Variants in PAK5 observed in about 807,000 individuals in gnomAD.
PAK5 encodes serine/threonine-protein kinase PAK 5.
In PAK5, 16 loss-of-function variants were observed where a neutral mutation model predicts 65.9. The ratio of observed to expected loss-of-function variants is 0.24; its 90% CI spans 0.16 to 0.37. The LOEUF (loss-of-function observed/expected upper bound fraction) is 0.37. PAK5 is among the 10% of genes least tolerant of loss of function. The pLI is 1.00. For missense variants in PAK5, 785 were observed against 903.9 expected (o/e 0.87, Z 1.69); for synonymous variants, 371 against 354.9 (o/e 1.05, Z -0.51).
chr20:9,595,880 C>A (rs183885245), intron 3 of PAK5, among the ~76,000 whole-genome samples: 1 of 151,134 alleles, frequency 6.6e-6, no homozygotes, highest in Non-Finnish European at 1.5e-5. Context: ...GTAACTGTTT[C>A]AAATGGACTC....
chr20:9,568,511 G>A (rs1008612515), intron 4 of PAK5, among the ~76,000 whole-genome samples: 1 of 152,172 alleles, frequency 6.6e-6, no homozygotes, highest in Non-Finnish European at 1.5e-5. Context: ...TCAATGACCT[G>A]TGCCTCCTGA....
chr20:9,690,258 G>T (rs1286366083), intron 2 of PAK5, among the ~76,000 whole-genome samples: 1 of 152,096 alleles, frequency 6.6e-6, no homozygotes, highest in African/African-American at 2.4e-5. Context: ...CCCCATGTGG[G>T]GTGTGTAGTG....
At chr20:9,705,562 C>T (rs1600266071) in intron 2 of PAK5, among the ~76,000 whole-genome samples, 1 of 152,020 alleles carries the variant, frequency 6.6e-6, no homozygotes, top group African/African-American at 2.4e-5. Flanking sequence ...ACCACTTATA[C>T]CATTTTGATC....
chr20:9,791,417 CCTTT>C (rs2049048952), intron 1 of PAK5, among the ~76,000 whole-genome samples: 1 of 152,102 alleles, frequency 6.6e-6, no homozygotes, highest in Non-Finnish European at 1.5e-5. Context: ...TTGATTCCTG[CCTTT>C]CTGACAAGTG....
chr20:9,673,270 GA>G (rs571087063), intron 2 of PAK5, among the ~76,000 whole-genome samples: 6 of 150,264 alleles, frequency 4.0e-5, no homozygotes, highest in African/African-American at 1.5e-4. Context: ...TACTGGAAAA[GA>G]AAAAAAAAGA....
rs548321776 is a variant in PAK5 at position 9,672,374 on chromosome 20, C to T, written c.-11-28035G>A. On this transcript the variant is annotated intron_variant, in intron 2 of 9. Coordinates refer to ENST00000353224, the MANE Select transcript of PAK5 (RefSeq NM_177990.4). ...GTGATATAGTTTGGCTGTGTCTCCA[C>T]CCAAATCTCCTCTTGAATTGTAGCT... 4.7e-5 allele frequency among the ~76,000 whole-genome samples: 7 copies of T among 148,898 alleles called. No homozygotes were observed. In the South Asian group the frequency reaches 1.6e-3, roughly 33 times the overall value.
In PAK5 at chr20:9,542,654, C is replaced by T. The variant is rs747314091; in HGVS notation, c.1936G>A (p.Glu646Lys). ...CTCCGCATCGCCTGGAGGGGAGGCT[C>T]ATTGAAGTAGGGGGGCTCGCCATCA... Reference protein sequence around the residue: ...MIDGEPPYFNEPPLQAMRRIR... With the variant: ...MIDGEPPYFNKPPLQAMRRIR... The change falls in exon 9 of 10, where the codon GAG (glutamate) becomes AAG (lysine). Residue 646 changes from glutamate to lysine, a missense_variant. Transcript: ENST00000353224. 2.9e-5 allele frequency: 47 copies of T among 1,613,930 alleles called. No individual in the cohort carries two copies. The highest frequency in any genetic ancestry group is 3.7e-5 in the Non-Finnish European group (44 of 1,179,940).
In PAK5 at chr20:9,727,581, C is replaced by A. The variant is rs8118128; in HGVS notation, c.-161-16146G>T. ...TGCCAAATGGTAATTTTCTGTTTCT[C>A]TCATTCCTTCTATGTTTATTAATTA... On this transcript the variant is annotated intron_variant, in intron 1 of 9. Coordinates refer to ENST00000353224, the MANE Select transcript of PAK5 (RefSeq NM_177990.4). Among the ~76,000 whole-genome samples the A allele has an allele frequency of 8.3e-3, 1,267 of 152,136 alleles. 24 individuals carry two copies. Among genetic ancestry groups the A allele is most frequent in the African/African-American group, 0.029 (1,217 of 41,450 alleles).
At chr20:9,810,661 A>G (rs975514174) in intron 1 of PAK5, among the ~76,000 whole-genome samples, 1 of 152,252 alleles carries the variant, frequency 6.6e-6, no homozygotes, top group Non-Finnish European at 1.5e-5. Context: ...TACTTTGACC[A>G]GTAGCTGTTA....
chr20:9,769,641 C>T (rs6056852), intron 1 of PAK5, among the ~76,000 whole-genome samples: 2,346 of 152,284 alleles, frequency 0.015, 76 homozygotes, highest in African/African-American at 0.054. Flanking sequence ...CCTTCAAGCC[C>T]GGTTAGACAG....
intron 3 of PAK5, among the ~76,000 whole-genome samples, chr20:9,604,885 G>A (rs1244560595): frequency 6.6e-6 from 1 of 152,154 alleles, no homozygotes; most frequent in African/African-American, 2.4e-5. Context: ...GCGTTATCTG[G>A]GATGCAGCTT....
chr20:9,580,097 C>T (rs2123010602), intron 4 of PAK5, 48 bp downstream of exon 4: 6 of 1,500,858 alleles, frequency 4.0e-6, no homozygotes, highest in African/African-American at 2.8e-5. Context: ...AGCACCACCC[C>T]TGTGGAGGTT....
Position 9,539,506 on chromosome 20 carries a change from G to A in PAK5, c.2116C>T (p.Pro706Ser). Reference protein sequence around the residue: ...GHPFLKLAGPPSCIVPLMRQY... With the variant: ...GHPFLKLAGPSSCIVPLMRQY... ...CTCATGAGGGGGACGATGCAAGACGGTGGACCTGCTAGTTTTAAGAATGGA... is the reference window on the plus strand; with the variant it reads ...CTCATGAGGGGGACGATGCAAGACGATGGACCTGCTAGTTTTAAGAATGGA... The change falls in exon 10 of 10, where the codon CCG becomes TCG. Residue 706 changes from proline to serine, a missense_variant. Around this residue, in one of 4 missense-constraint regions of PAK5, gnomAD observed 110 missense variants for 107.4 expected, o/e 1.02. Transcript: ENST00000353224. The A allele has an allele frequency of 6.8e-6, 11 of 1,614,044 alleles. No homozygotes were observed. Among genetic ancestry groups the A allele is most frequent in the Non-Finnish European group, 8.5e-6 (10 of 1,179,964 alleles).
chr20:9,601,112 C>T (rs2046352026), intron 3 of PAK5, among the ~76,000 whole-genome samples: 1 of 152,156 alleles, frequency 6.6e-6, no homozygotes, highest in Non-Finnish European at 1.5e-5. Context: ...GTATATTGTA[C>T]AAGGCCTCCT....
At chr20:9,606,330 T>C (rs1249576675) in intron 3 of PAK5, among the ~76,000 whole-genome samples, 2 of 152,164 alleles carry the variant, frequency 1.3e-5, no homozygotes, top group Non-Finnish European at 2.9e-5. Context: ...AGACACCAAG[T>C]AGATGCCAGC....
At chr20:9,580,954 G>A (rs1383055495) in intron 3 of PAK5, 24 bp from the exon 4 acceptor site, 1 of 1,489,384 alleles carries the variant, frequency 6.7e-7, no homozygotes, top group Admixed American at 2.2e-5. Flanking sequence ...AGGGAATATT[G>A]TTTAAAGAAA....
intron 3 of PAK5, among the ~76,000 whole-genome samples, chr20:9,610,681 C>T (rs2046542637): frequency 6.6e-6 from 1 of 152,166 alleles, no homozygotes; most frequent in Non-Finnish European, 1.5e-5. Context: ...ATTTCTTTAA[C>T]TGTTCTGGCG....
At chr20:9,778,393 A>G (rs1040611316) in intron 1 of PAK5, among the ~76,000 whole-genome samples, 2 of 152,100 alleles carry the variant, frequency 1.3e-5, no homozygotes, top group African/African-American at 4.8e-5. Context: ...GCACATCACC[A>G]TGCCTGGCTA....
intron 2 of PAK5, among the ~76,000 whole-genome samples, chr20:9,656,467 AT>A (rs918885767): frequency 2.0e-5 from 3 of 152,006 alleles, no homozygotes; most frequent in Non-Finnish European, 4.4e-5. Flanking sequence ...GTCCTCTTTG[AT>A]TTTTTCCTTG....
Sources: allele counts gnomAD v4.1 joint callset (sites outside exome capture counted in the v4.1 genomes callset), GRCh38; gene constraint gnomAD v4.1.1; regional missense constraint gnomAD v4.1.1; transcripts MANE v1.5; gene names NCBI Gene and HGNC (gene_info 2026-07-23, HGNC 2026-07-21).